GALNT12: variants seen among roughly 807,000 people sequenced by gnomAD.
GALNT12 encodes the protein UDP-GalNAc:polypeptide N-acetylgalactosaminyltransferase 12.
GALNT12 carries 45 observed loss-of-function variants against 55.5 expected under a neutral mutation model. That is an observed-to-expected ratio of 0.81 (90% CI 0.64 to 1.04). The LOEUF (loss-of-function observed/expected upper bound fraction) is 1.04, where lower values mean the gene tolerates loss of function less well. GALNT12 is among the 50% of genes least tolerant of loss of function. The pLI is 0.00. For missense variants in GALNT12, 709 were observed against 754.8 expected (o/e 0.94, Z 0.71); for synonymous variants, 304 against 312.2 (o/e 0.97, Z 0.28).
At chr9:98,815,775 G>C (rs897973060) in intron 1 of GALNT12, among the ~76,000 whole-genome samples, 1 of 152,202 alleles carries the variant, frequency 6.6e-6, no homozygotes, top group Non-Finnish European at 1.5e-5. Context: ...ACTTCTTAGA[G>C]ATCACCATTG....
intron 1 of GALNT12, among the ~76,000 whole-genome samples, chr9:98,813,301 GC>G (rs1835532208): frequency 6.6e-6 from 1 of 152,206 alleles, no homozygotes; most frequent in African/African-American, 2.4e-5. Context: ...GCTATGAGAT[GC>G]CTACAGTGAC....
Position 98,807,999 on chromosome 9 carries a change from C to T in GALNT12, c.301C>T (p.His101Tyr), listed in dbSNP as rs758541440. ...GCTGCAGGAGGAGAGCGTGCGGCTG[C>T]ACCAGATTAACATCTACCTCAGCGA... is the stretch of plus-strand genomic sequence containing the variant. ...LRLQEESVRL[H>Y]QINIYLSDRI... The change falls in exon 1 of 10, where the codon CAC becomes TAC. Residue 101 changes from histidine to tyrosine, a missense_variant. Around this residue, in one of 5 missense-constraint regions of GALNT12, gnomAD observed 315 missense variants for 288.6 expected, o/e 1.09. Transcript: ENST00000375011. 2 of 1,546,172 alleles carry T rather than the reference C, an allele frequency of 1.3e-6. No individual in the cohort carries two copies. The highest frequency in any genetic ancestry group is 1.7e-6 in the Non-Finnish European group (2 of 1,149,332).
chr9:98,818,168 A>G (rs2118321483), intron 1 of GALNT12, among the ~76,000 whole-genome samples: 1 of 152,356 alleles, frequency 6.6e-6, no homozygotes, highest in Middle Eastern at 3.4e-3. Context: ...ATACCATGAT[A>G]TAATATCAAG....
At chr9:98,833,432 T>A (rs1418378174) in intron 4 of GALNT12, among the ~76,000 whole-genome samples, 1 of 151,762 alleles carries the variant, frequency 6.6e-6, no homozygotes, top group Non-Finnish European at 1.5e-5. Context: ...AGGGAAGGGG[T>A]TTGGACTTGA....
At chr9:98,821,134 T>C (rs993077442) in intron 1 of GALNT12, among the ~76,000 whole-genome samples, 1 of 152,124 alleles carries the variant, frequency 6.6e-6, no homozygotes, top group African/African-American at 2.4e-5. Flanking sequence ...CTCAGCTCCC[T>C]GAGTAGCTGA....
chr9:98,812,737 C>A (rs1288705290), intron 1 of GALNT12, among the ~76,000 whole-genome samples: 1 of 152,030 alleles, frequency 6.6e-6, no homozygotes, highest in Non-Finnish European at 1.5e-5. Flanking sequence ...GTGTTTTCCC[C>A]CTCTTTTTTC....
At position 98,823,119 on chromosome 9, in the gene GALNT12, A is replaced by G. The variant is rs1470639642; in HGVS notation, c.372-137A>G. ...GTCTGCTGGGGCTCCTAGTGCCACA[A>G]GGGGAGCTCTGGAAGATCCTTCAGT... is the stretch of plus-strand genomic sequence containing the variant. On this transcript the variant is annotated intron_variant, in intron 1 of 9. Coordinates refer to ENST00000375011, the MANE Select transcript of GALNT12 (RefSeq NM_024642.5). 44 of 806,450 alleles carry G rather than the reference A, an allele frequency of 5.5e-5. No individual in the cohort carries two copies. In the Middle Eastern group the frequency reaches 3.4e-3, roughly 63 times the overall value. 50.0% of individuals were successfully genotyped at this position (806,450 alleles called of 1,614,324 possible).
At chr9:98,818,155 A>G (rs1378645579) in intron 1 of GALNT12, among the ~76,000 whole-genome samples, 1 of 152,184 alleles carries the variant, frequency 6.6e-6, no homozygotes, top group Admixed American at 6.5e-5. Context: ...ACATTCTCTC[A>G]TGATACCATG....
intron 7 of GALNT12, among the ~76,000 whole-genome samples, chr9:98,841,507 C>CT (rs1169170232): frequency 7.2e-5 from 11 of 152,190 alleles, no homozygotes; most frequent in African/African-American, 2.7e-4. Flanking sequence ...TAACCATTGC[C>CT]TAGGCCCATT....
rs761631783 is a variant in GALNT12 at position 98,849,010 on chromosome 9, C to G, written c.1664C>G (p.Ser555Trp). ...KKCVQAARKE[S>W]SDSFVPLLRD... The stretch of plus-strand genomic sequence containing the variant: ...TGTGTCCAGGCTGCGAGGAAGGAGT[C>G]GAGTGACAGTTTCGTTCCACTCTTA... Residue 555 changes from serine to tryptophan, a missense_variant, in exon 10 of 10, where the codon TCG becomes TGG. Around this residue, in one of 5 missense-constraint regions of GALNT12, gnomAD observed 262 missense variants for 310.7 expected, o/e 0.84. Coordinates refer to ENST00000375011, the MANE Select transcript of GALNT12 (RefSeq NM_024642.5). 1 of 1,614,084 alleles carries G rather than the reference C, an allele frequency of 6.2e-7. No individual in the cohort carries two copies. The highest frequency in any genetic ancestry group is 8.5e-7 in the Non-Finnish European group (1 of 1,179,952).
intron 8 of GALNT12, 132 bp downstream of exon 8, chr9:98,844,341 A>T: frequency 1.5e-6 from 1 of 683,280 alleles, no homozygotes. Flanking sequence ...AGACTCAGAG[A>T]GACCACTGTT....
At chr9:98,846,856 C>CAAAA (rs757918355) in intron 9 of GALNT12, among the ~76,000 whole-genome samples, 3 of 109,198 alleles carry the variant, frequency 2.7e-5, no homozygotes, top group East Asian at 2.7e-4. Flanking sequence ...GACTCCGTCT[C>CAAAA]AAAAAAAAAA....
intron 8 of GALNT12, chr9:98,844,621 G>A: frequency 4.1e-6 from 1 of 243,720 alleles, no homozygotes; most frequent in South Asian, 5.0e-5. Flanking sequence ...TAACACCTTG[G>A]GTCAGACAGA....
chr9:98,828,944 C>T (rs1257083399), intron 3 of GALNT12, among the ~76,000 whole-genome samples: 1 of 152,142 alleles, frequency 6.6e-6, no homozygotes, highest in East Asian at 1.9e-4. Context: ...ATTCTCCTGC[C>T]TCAGCTTCCT....
Position 98,807,942 on chromosome 9 carries a change from G to A in GALNT12, c.244G>A (p.Val82Met). The change falls in exon 1 of 10, where the codon GTG becomes ATG. Residue 82 changes from valine to methionine, a missense_variant. Transcript: ENST00000375011. The stretch of plus-strand genomic sequence containing the variant: ...CGCGCTGGGCGCGCGGGGCGAGGCG[G>A]TGCGGCTGCAGCTGCAGGGCGAGGA... ...ANALGARGEA[V>M]RLQLQGEELR... The A allele has an allele frequency of 2.9e-6, 4 of 1,380,498 alleles. No individual in the cohort carries two copies. Among genetic ancestry groups the A allele is most frequent in the South Asian group, 1.6e-5 (1 of 62,066 alleles). The allele number at this position is 1,380,498 out of a possible 1,614,324, so 85.5% of individuals were successfully genotyped here.
At chr9:98,837,232 T>G (rs896117243) in intron 6 of GALNT12, 84 bp downstream of exon 6, 98 of 1,319,674 alleles carry the variant, frequency 7.4e-5, no homozygotes, top group Non-Finnish European at 8.9e-5. Flanking sequence ...ATAGTCGATC[T>G]GGTTCCAGAA....
At chr9:98,831,695 C>A in intron 3 of GALNT12, 77 bp from the exon 4 acceptor site, 1 of 1,497,170 alleles carries the variant, frequency 6.7e-7, no homozygotes, top group South Asian at 1.2e-5. Context: ...GACAAGAATT[C>A]ACCCTTGAAT....
chr9:98,826,841 G>T lies in GALNT12; in HGVS notation c.631G>T (p.Ala211Ser). The T allele has an allele frequency of 6.2e-7, 1 of 1,610,342 alleles. No individual in the cohort carries two copies. Among genetic ancestry groups the T allele is most frequent in the Non-Finnish European group, 8.5e-7 (1 of 1,178,756 alleles). Residue 211 changes from alanine (A) to serine (S), a missense_variant, in exon 3 of 10, where the codon GCC (alanine) becomes TCC (serine). Around this residue, in one of 5 missense-constraint regions of GALNT12, gnomAD observed 315 missense variants for 288.6 expected, o/e 1.09. Coordinates refer to ENST00000375011, the MANE Select transcript of GALNT12 (RefSeq NM_024642.5). The part of the protein sequence containing the change: ...RANKREGLVR[A>S]RLLGASAARG... Reference sequence around the variant, plus strand: ...CAACAAGAGAGAGGGCCTGGTGCGAGCCCGGCTGCTGGGGGCGTCTGCGGC... The same window carrying T: ...CAACAAGAGAGAGGGCCTGGTGCGATCCCGGCTGCTGGGGGCGTCTGCGGC...
At position 98,835,347 on chromosome 9, in the gene GALNT12, A is replaced by G. The variant is rs1836115368; in HGVS notation, c.1016A>G (p.Asn339Ser). 2 of 1,605,134 alleles carry G rather than the reference A, an allele frequency of 1.2e-6. No homozygotes were observed. The highest frequency in any genetic ancestry group is 1.7e-4 in the Middle Eastern group (1 of 6,042). ...GGAATGGAAGTTTGGGGAGGAGAAA[A>G]CCTCGAATTTTCCTTTAGGGTAAGT... is the stretch of plus-strand genomic sequence containing the variant. Reference protein sequence around the residue: ...DTGMEVWGGENLEFSFRIWQC... With the variant: ...DTGMEVWGGESLEFSFRIWQC... The change falls in exon 5 of 10, where the codon AAC becomes AGC. Residue 339 changes from asparagine (N) to serine (S), a missense_variant. Coordinates refer to ENST00000375011, the MANE Select transcript of GALNT12 (RefSeq NM_024642.5).
Sources: allele counts gnomAD v4.1 joint callset (sites outside exome capture counted in the v4.1 genomes callset), GRCh38; gene constraint gnomAD v4.1.1; regional missense constraint gnomAD v4.1.1; transcripts MANE v1.5; gene names NCBI Gene and HGNC (gene_info 2026-07-23, HGNC 2026-07-21).